The following GABRA3 variants were observed in gnomAD, a reference collection of about 807,000 sequenced individuals.
GABRA3 encodes the protein gamma-aminobutyric acid receptor subunit alpha-3.
GABRA3 carries 10 observed loss-of-function variants against 30.1 expected under a neutral mutation model. That is an observed-to-expected ratio of 0.33 (90% CI 0.20 to 0.56). The LOEUF (loss-of-function observed/expected upper bound fraction) is 0.56. Among genes scored for constraint, GABRA3 ranks in the 20% least tolerant of loss-of-function variants. The probability of loss-of-function intolerance (pLI) is 0.89; values close to 1 mark genes in which losing one functional copy is unlikely to be tolerated. For missense variants in GABRA3, 233 were observed against 392.0 expected (o/e 0.59, Z 3.42); for synonymous variants, 151 against 146.8 (o/e 1.03, Z -0.21).
intron 4 of GABRA3, among the ~76,000 whole-genome samples, chrX:152,267,062 A>G (rs1359268359): frequency 8.9e-6 from 1 of 112,430 alleles, no homozygotes; most frequent in East Asian, 2.8e-4. Flanking sequence ...TCTACAAATG[A>G]CAATAAGAGC....
chrX:152,263,766 C>T (rs1938773007), intron 4 of GABRA3, among the ~76,000 whole-genome samples: 1 of 111,404 alleles, frequency 9.0e-6, no homozygotes, highest in African/African-American at 3.3e-5. Flanking sequence ...TCAAAGAAGA[C>T]TACTTCAAGA....
chrX:152,405,724 T>C (rs1929917458), intron 1 of GABRA3, among the ~76,000 whole-genome samples: 1 of 111,369 alleles, frequency 9.0e-6, no homozygotes, highest in South Asian at 3.8e-4. Context: ...CCTGGGCCAG[T>C]AGGGAATCGC....
At chrX:152,408,441 T>A (rs949104739) in intron 1 of GABRA3, among the ~76,000 whole-genome samples, 1 of 111,170 alleles carries the variant, frequency 9.0e-6, no homozygotes, top group African/African-American at 3.3e-5. Context: ...GTGAACAATC[T>A]GAAAAAGAAA....
chrX:152,406,071 G>A (rs780493190), intron 1 of GABRA3, among the ~76,000 whole-genome samples: 6 of 109,959 alleles, frequency 5.5e-5, no homozygotes, highest in African/African-American at 1.3e-4. Context: ...AGTGCCTCTT[G>A]GGGTCTGCAA....
chrX:152,166,901 G>A lies in GABRA3; in HGVS notation c.*1327C>T, dbSNP rs1008623560. On this transcript the variant is annotated 3_prime_UTR_variant, in exon 10 of 10. Transcript: ENST00000370314. ...GCTCTTTATTAAAGACACTTGTAAG[G>A]AGCCTAGGCAAATCATTCAAACTTC... The A allele has an allele frequency of 9.9e-5, 11 of 110,724 alleles. No individual in the cohort carries two copies. Among genetic ancestry groups the A allele is most frequent in the Non-Finnish European group, 1.9e-4 (10 of 52,982 alleles). The allele number at this position is 110,724 out of a possible 1,213,427, so 9.1% of individuals were successfully genotyped here. A position where few individuals can be genotyped will look rare whatever the true frequency, so the allele number is the denominator to read the frequency against.
chrX:152,388,305 G>A (rs1384359702), intron 1 of GABRA3, among the ~76,000 whole-genome samples: 4 of 111,620 alleles, frequency 3.6e-5, no homozygotes, highest in East Asian at 2.8e-4. Context: ...GCACAGGAGC[G>A]TTCAATCAAT....
intron 1 of GABRA3, among the ~76,000 whole-genome samples, chrX:152,418,595 A>G (rs781516931): frequency 2.7e-5 from 3 of 111,912 alleles, no homozygotes; most frequent in Non-Finnish European, 5.6e-5. Flanking sequence ...TCTGTGATCT[A>G]ATTATACATC....
At chrX:152,314,839 A>G (rs749050700) in intron 3 of GABRA3, among the ~76,000 whole-genome samples, 2 of 112,391 alleles carry the variant, frequency 1.8e-5, no homozygotes, top group East Asian at 5.6e-4. Context: ...TGTCTGTCTC[A>G]CATGCCAGAT....
chrX:152,192,488 G>C (rs1340059528), intron 8 of GABRA3, among the ~76,000 whole-genome samples: 1 of 111,229 alleles, frequency 9.0e-6, no homozygotes, highest in African/African-American at 3.3e-5. Context: ...GTTCCTATCA[G>C]AGTTAATAAT....
Position 152,363,266 on chromosome X carries a change from T to C in GABRA3, c.140+1165A>G, listed in dbSNP as rs544995927. 2.7e-5 allele frequency among the ~76,000 whole-genome samples: 3 copies of C among 112,114 alleles called. No homozygotes were observed. In the Admixed American group the frequency reaches 2.8e-4, roughly 11 times the overall value. ...TACCTGTGTAGTATTGTGGAAAATA[T>C]TGCAGAAAGCATAGTCATAAAAGTA... On this transcript the variant is annotated intron_variant, in intron 2 of 9. Transcript: ENST00000370314.
intron 5 of GABRA3, among the ~76,000 whole-genome samples, chrX:152,242,264 C>T (rs1292861336): frequency 1.8e-5 from 2 of 111,233 alleles, no homozygotes; most frequent in African/African-American, 6.6e-5. Context: ...TTACACCATA[C>T]TCAAAAGTCA....
At chrX:152,394,233 T>C (rs1285189079) in intron 1 of GABRA3, among the ~76,000 whole-genome samples, 1 of 112,162 alleles carries the variant, frequency 8.9e-6, no homozygotes, top group Non-Finnish European at 1.9e-5. Flanking sequence ...ATCTCATAGC[T>C]AGTAAGTGGA....
chrX:152,280,589 C>T (rs147732042), intron 4 of GABRA3, among the ~76,000 whole-genome samples: 2,670 of 111,261 alleles, frequency 0.024, 45 homozygotes, highest in African/African-American at 0.058. Context: ...TCAGAATGTA[C>T]GTTATCTGAA....
chrX:152,328,657 T>C (rs1235068565), intron 3 of GABRA3, among the ~76,000 whole-genome samples: 1 of 111,773 alleles, frequency 8.9e-6, no homozygotes, highest in African/African-American at 3.3e-5. Context: ...CAGCCCTTCA[T>C]GCTAAAAACT....
chrX:152,361,600 T>A (rs776129073), intron 2 of GABRA3, among the ~76,000 whole-genome samples: 4 of 104,255 alleles, frequency 3.8e-5, no homozygotes, highest in African/African-American at 1.1e-4. Context: ...AAAATTCGAA[T>A]GAATATAATG....
intron 5 of GABRA3, among the ~76,000 whole-genome samples, chrX:152,253,836 C>A (rs1200837778): frequency 9.0e-6 from 1 of 111,363 alleles, no homozygotes; most frequent in African/African-American, 3.3e-5. Flanking sequence ...TACCTATCCA[C>A]CTACAAGTTT....
At chrX:152,275,856 A>T (rs1047214432) in intron 4 of GABRA3, among the ~76,000 whole-genome samples, 1 of 109,867 alleles carries the variant, frequency 9.1e-6, no homozygotes, top group African/African-American at 3.3e-5. Context: ...TGAATGAGAG[A>T]CAGTTAATTT....
rs1203064473 is a variant in GABRA3 at position 152,283,156 on chromosome X, C to T, written c.330+1512G>A. Among the ~76,000 whole-genome samples, 3 of 111,222 alleles carry T rather than the reference C, an allele frequency of 2.7e-5. No individual in the cohort carries two copies. In the East Asian group the frequency reaches 8.5e-4, roughly 32 times the overall value. The stretch of plus-strand genomic sequence containing the variant: ...GTTAACACATGCCTGGATTTTAACA[C>T]ATGCCTGTGGGAATTACTAGTCAAC... On this transcript the variant is annotated intron_variant, in intron 4 of 9. Transcript: ENST00000370314.
intron 6 of GABRA3, among the ~76,000 whole-genome samples, chrX:152,210,517 A>G (rs1482189440): frequency 8.9e-6 from 1 of 112,146 alleles, no homozygotes; most frequent in Admixed American, 9.5e-5. Flanking sequence ...AAGGGAAAGC[A>G]TACCCTCATC....
Sources: gnomAD v4.1 joint callset for allele counts (sites outside exome capture counted in the v4.1 genomes callset) on GRCh38, gnomAD v4.1.1 for gene constraint, MANE v1.5 for transcripts, NCBI Gene and HGNC (gene_info 2026-07-23, HGNC 2026-07-21) for gene names.